GLIS1: variants seen among roughly 807,000 people sequenced by gnomAD.
GLIS1 encodes the protein zinc finger protein GLIS1.
GLIS1 carries 24 observed loss-of-function variants against 63.8 expected under a neutral mutation model. The ratio of observed to expected loss-of-function variants is 0.38; its 90% CI spans 0.27 to 0.53. The LOEUF (loss-of-function observed/expected upper bound fraction) is 0.53. GLIS1 is among the 20% of genes least tolerant of loss of function. The probability of loss-of-function intolerance (pLI) is 0.85; values close to 1 mark genes in which losing one functional copy is unlikely to be tolerated. For missense variants in GLIS1, 1,036 were observed against 1,074.1 expected, an observed-to-expected ratio of 0.96 and a Z score of 0.50; for synonymous variants, 450 against 482.5, an observed-to-expected ratio of 0.93 and a Z score of 0.88.
chr1:53,514,878 A>C, intron 7 of GLIS1, 97 bp from the exon 8 acceptor site: 1 of 1,379,122 alleles, frequency 7.3e-7, no homozygotes, highest in Non-Finnish European at 9.7e-7. Context: ...TGGAGAAATA[A>C]AGACAAGAGG....
At chr1:53,518,826 G>A (rs1242721102) in intron 7 of GLIS1, among the ~76,000 whole-genome samples, 1 of 152,230 alleles carries the variant, frequency 6.6e-6, no homozygotes, top group African/African-American at 2.4e-5. Context: ...GATGGTAACT[G>A]CTGGCCCTGT....
chr1:53,708,210 G>A (rs1476945908), intron 2 of GLIS1, among the ~76,000 whole-genome samples: 1 of 152,054 alleles, frequency 6.6e-6, no homozygotes, highest in African/African-American at 2.4e-5. Context: ...GTGAACCCAG[G>A]AGGCAGAGCT....
intron 2 of GLIS1, among the ~76,000 whole-genome samples, chr1:53,611,046 C>A (rs1376699829): frequency 6.6e-6 from 1 of 151,666 alleles, no homozygotes; most frequent in Non-Finnish European, 1.5e-5. Context: ...CTATTAAATT[C>A]TCTATTTATC....
chr1:53,603,938 C>T (rs1251650156), intron 2 of GLIS1, among the ~76,000 whole-genome samples: 1 of 152,234 alleles, frequency 6.6e-6, no homozygotes, highest in African/African-American at 2.4e-5. Flanking sequence ...GGGCCTGCCC[C>T]AGCCACACAG....
intron 4 of GLIS1, among the ~76,000 whole-genome samples, chr1:53,542,868 C>T (rs867658508): frequency 5.9e-5 from 9 of 152,226 alleles, no homozygotes; most frequent in African/African-American, 1.7e-4. Flanking sequence ...GTCCCCTCCC[C>T]GCACTATGGA....
chr1:53,597,266 G>A (rs1439907448), intron 3 of GLIS1, among the ~76,000 whole-genome samples: 3 of 148,942 alleles, frequency 2.0e-5, no homozygotes, highest in Non-Finnish European at 3.0e-5. Flanking sequence ...CCAGCTACTC[G>A]GGAGCCTGAG....
At chr1:53,685,266 C>T (rs1347277356) in intron 2 of GLIS1, among the ~76,000 whole-genome samples, 3 of 152,218 alleles carry the variant, frequency 2.0e-5, no homozygotes, top group African/African-American at 7.2e-5. Context: ...CTACATGCTG[C>T]CACACACCCC....
chr1:53,671,653 C>A (rs892978617), intron 2 of GLIS1, among the ~76,000 whole-genome samples: 1 of 152,144 alleles, frequency 6.6e-6, no homozygotes, highest in Non-Finnish European at 1.5e-5. Context: ...TGGAAGCCCT[C>A]CATTAGGAAT....
At position 53,733,671 on chromosome 1, in the gene GLIS1, G is replaced by A. The variant is rs186854094; in HGVS notation, c.259+4135C>T. 1.2e-3 allele frequency among the ~76,000 whole-genome samples: 186 copies of A among 152,216 alleles called. 2 individuals are homozygous for A. Among genetic ancestry groups the A allele is most frequent in the Non-Finnish European group, 4.6e-4 (31 of 68,016 alleles). On this transcript the variant is annotated intron_variant, in intron 2 of 10. Coordinates refer to ENST00000628545, the MANE Select transcript of GLIS1 (RefSeq NM_001367484.1). Reference sequence around the variant, plus strand: ...ATACATAACTCTTATGACTGTAGACGCAACATGTTCCTATCTCATTTTTTA... The same window carrying A: ...ATACATAACTCTTATGACTGTAGACACAACATGTTCCTATCTCATTTTTTA...
chr1:53,728,179 G>A lies in GLIS1; in HGVS notation c.259+9627C>T, dbSNP rs112870088. 7.6e-3 allele frequency among the ~76,000 whole-genome samples: 1,160 copies of A among 152,240 alleles called. 22 individuals carry two copies. Among genetic ancestry groups the A allele is most frequent in the African/African-American group, 0.025 (1,057 of 41,544 alleles). On this transcript the variant is annotated intron_variant, in intron 2 of 10. Coordinates refer to ENST00000628545, the MANE Select transcript of GLIS1 (RefSeq NM_001367484.1). The stretch of plus-strand genomic sequence containing the variant: ...GAGTATGAGCAGGGCTATGGCAAAA[G>A]GAAGGGTAATAAGAAAGGGAAGACT...
chr1:53,704,867 T>C (rs1646561417), intron 2 of GLIS1, among the ~76,000 whole-genome samples: 1 of 152,186 alleles, frequency 6.6e-6, no homozygotes, highest in Non-Finnish European at 1.5e-5. Context: ...ATGATGGTTG[T>C]TAGCATCACT....
chr1:53,560,466 G>A lies in GLIS1; in HGVS notation c.1321-30514C>T, dbSNP rs1644875079. On this transcript the variant is annotated intron_variant, in intron 4 of 10. Transcript: ENST00000628545. The surrounding 1 kb of genome is among the most constrained non-coding windows in gnomAD (Gnocchi z 4.4). Reference sequence around the variant, plus strand: ...GACAGTTCCGGTCGGGAGATATCTGGTCCACACACGGAGCAAATATCTGTT... The same window carrying A: ...GACAGTTCCGGTCGGGAGATATCTGATCCACACACGGAGCAAATATCTGTT... Among the ~76,000 whole-genome samples, 1 of 152,204 alleles carries A rather than the reference G, an allele frequency of 6.6e-6. No individual in the cohort carries two copies. Among genetic ancestry groups the A allele is most frequent in the South Asian group, 2.1e-4 (1 of 4,832 alleles).
rs904878519 is a variant in GLIS1, at chr1:53,646,631, A to G, written c.260-46353T>C. On this transcript the variant is annotated intron_variant, in intron 2 of 10. Transcript: ENST00000628545. The surrounding 1 kb of genome is among the most constrained non-coding windows in gnomAD (Gnocchi z 4.2). ...TTGAGACCAGCCTGGCCAACATGGT[A>G]AAACCCCGTCTTGACTAAAAATACA... Among the ~76,000 whole-genome samples the G allele has an allele frequency of 6.6e-6, 1 of 151,992 alleles. No homozygotes were observed. Among genetic ancestry groups the G allele is most frequent in the Non-Finnish European group, 1.5e-5 (1 of 67,992 alleles).
At chr1:53,580,769 T>C (rs1645077022) in intron 4 of GLIS1, among the ~76,000 whole-genome samples, 1 of 152,222 alleles carries the variant, frequency 6.6e-6, no homozygotes, top group Admixed American at 6.5e-5. Flanking sequence ...CCTTCCTTCC[T>C]CACACTTTAA....
intron 2 of GLIS1, among the ~76,000 whole-genome samples, chr1:53,616,273 A>C (rs915926298): frequency 1.3e-5 from 2 of 152,240 alleles, no homozygotes; most frequent in African/African-American, 4.8e-5. Flanking sequence ...AACAGCCAGG[A>C]CAGTAATGGG....
chr1:53,599,765 A>G (rs1411021023), intron 3 of GLIS1, among the ~76,000 whole-genome samples: 2 of 152,318 alleles, frequency 1.3e-5, no homozygotes, highest in Non-Finnish European at 2.9e-5. Flanking sequence ...TCTCTGCCCT[A>G]TCAGCAGTTC....
chr1:53,694,400 C>T (rs573069282), intron 2 of GLIS1, among the ~76,000 whole-genome samples: 3 of 152,206 alleles, frequency 2.0e-5, no homozygotes, highest in Non-Finnish European at 2.9e-5. Flanking sequence ...TCCCTTTCTG[C>T]GAGCCGGCTG....
At chr1:53,589,721 C>T (rs1010210839) in intron 4 of GLIS1, among the ~76,000 whole-genome samples, 1 of 152,176 alleles carries the variant, frequency 6.6e-6, no homozygotes, top group Non-Finnish European at 1.5e-5. Flanking sequence ...AGGATGAAAA[C>T]CCGGCCCGAG....
At chr1:53,677,239 T>G (rs1258163806) in intron 2 of GLIS1, among the ~76,000 whole-genome samples, 1 of 152,184 alleles carries the variant, frequency 6.6e-6, no homozygotes, top group Non-Finnish European at 1.5e-5. Flanking sequence ...CTACATCCAC[T>G]TTTCACCAAC....
Sources: allele counts gnomAD v4.1 joint callset (sites outside exome capture counted in the v4.1 genomes callset), GRCh38; gene constraint gnomAD v4.1.1; non-coding constraint Gnocchi (gnomAD v3.1); transcripts MANE v1.5; gene names NCBI Gene and HGNC (gene_info 2026-07-23, HGNC 2026-07-21).